MAMDC2: variants seen among roughly 807,000 people sequenced by gnomAD.
The protein encoded by MAMDC2 is MAM domain-containing protein 2.
MAMDC2 carries 57 observed loss-of-function variants against 89.8 expected under a neutral mutation model. The ratio of observed to expected loss-of-function variants is 0.63; its 90% confidence interval spans 0.51 to 0.79. The LOEUF (loss-of-function observed/expected upper bound fraction) is 0.79, where lower values mean the gene tolerates loss of function less well. MAMDC2 is among the 30% of genes least tolerant of loss of function. The probability of loss-of-function intolerance (pLI) is 0.00; values close to 1 mark genes in which losing one functional copy is unlikely to be tolerated. For missense variants in MAMDC2, 800 were observed against 820.6 expected (o/e 0.97, Z 0.31); for synonymous variants, 313 against 293.4 (o/e 1.07, Z -0.68).
At chr9:70,142,390 G>A (rs77263598) in intron 8 of MAMDC2, among the ~76,000 whole-genome samples, 208 of 152,270 alleles carry the variant, frequency 1.4e-3, no homozygotes, top group Non-Finnish European at 2.6e-3. Flanking sequence ...CAGGCCACAG[G>A]AAGCATTTGG....
chr9:70,094,377 T>C (rs1469590326), intron 2 of MAMDC2, among the ~76,000 whole-genome samples: 2 of 152,212 alleles, frequency 1.3e-5, no homozygotes, highest in Admixed American at 1.3e-4. Flanking sequence ...ATTTTCTAAA[T>C]GCTTCCCACA....
chr9:70,134,517 G>T (rs1192122057), intron 7 of MAMDC2, among the ~76,000 whole-genome samples: 2 of 151,966 alleles, frequency 1.3e-5, no homozygotes, highest in Non-Finnish European at 2.9e-5. Context: ...CTACTGCTCT[G>T]CCATATGCAG....
At chr9:70,184,347 T>C (rs990920826) in intron 11 of MAMDC2, among the ~76,000 whole-genome samples, 2 of 152,138 alleles carry the variant, frequency 1.3e-5, no homozygotes, top group African/African-American at 2.4e-5. Flanking sequence ...GAGAATCTGA[T>C]GATTATGTGT....
At chr9:70,078,597 A>G (rs1254724446) in intron 2 of MAMDC2, among the ~76,000 whole-genome samples, 1 of 152,206 alleles carries the variant, frequency 6.6e-6, no homozygotes, top group Non-Finnish European at 1.5e-5. Flanking sequence ...TTGTTAAGGT[A>G]TAGGGTGTGG....
At chr9:70,186,648 A>G (rs911384245) in intron 11 of MAMDC2, among the ~76,000 whole-genome samples, 3 of 152,182 alleles carry the variant, frequency 2.0e-5, no homozygotes, top group African/African-American at 7.2e-5. Flanking sequence ...TCCACTTTGC[A>G]TTGTTATAAA....
chr9:70,083,055 C>T (rs1005672019), intron 2 of MAMDC2, among the ~76,000 whole-genome samples: 1 of 152,166 alleles, frequency 6.6e-6, no homozygotes, highest in Non-Finnish European at 1.5e-5. Flanking sequence ...CGCCTAGCAT[C>T]TCCTGCTAAA....
At chr9:70,208,950 C>T (rs942023184) in intron 11 of MAMDC2, among the ~76,000 whole-genome samples, 5 of 152,222 alleles carry the variant, frequency 3.3e-5, no homozygotes, top group East Asian at 3.9e-4. Flanking sequence ...TTTGTGTATG[C>T]TGAACCAGCC....
chr9:70,126,015 C>A lies in MAMDC2; in HGVS notation c.644-144C>A, dbSNP rs1261380563. On this transcript the variant is annotated intron_variant, in intron 5 of 13. Coordinates refer to ENST00000377182, the MANE Select transcript of MAMDC2 (RefSeq NM_153267.5). ...ATTTCTCCATCCACTCATGGCCAAA[C>A]CTCTGTCAGCTGTAACTCATCCACT... is the stretch of plus-strand genomic sequence containing the variant. 6 of 872,178 alleles carry A rather than the reference C, an allele frequency of 6.9e-6. No individual in the cohort carries two copies. In the African/African-American group the frequency reaches 8.4e-5, roughly 12 times the overall value. The allele number at this position is 872,178 out of a possible 1,614,324, so 54.0% of individuals were successfully genotyped here. A position where few individuals can be genotyped will look rare whatever the true frequency, so the allele number is the denominator to read the frequency against.
intron 2 of MAMDC2, among the ~76,000 whole-genome samples, chr9:70,073,627 C>T (rs1827460652): frequency 6.6e-6 from 1 of 152,222 alleles, no homozygotes; most frequent in Admixed American, 6.5e-5. Context: ...ATGCTAGCAG[C>T]TTTCAAATAA....
intron 2 of MAMDC2, chr9:70,093,721 C>T (rs62570275): frequency 0.044 from 6,657 of 152,064 alleles, 204 homozygotes; most frequent in Non-Finnish European, 0.063. Context: ...CATAAGCCAC[C>T]GCACTCGGCC....
chr9:70,103,537 GA>G (rs988749314), intron 2 of MAMDC2, among the ~76,000 whole-genome samples: 4 of 149,916 alleles, frequency 2.7e-5, no homozygotes, highest in South Asian at 4.2e-4. Flanking sequence ...AAAACTCTGA[GA>G]AAAAAAACAT....
Position 70,149,019 on chromosome 9 carries a change from ACT to A in MAMDC2, c.1404+5203_1404+5204del, listed in dbSNP as rs2031498495. ...ACTCCAGCCTGGGCAACAGAGCAAGACTCTGTCTCAAAAAAAAAAAAAAAAAT... is the reference window on the plus strand; with the variant it reads ...ACTCCAGCCTGGGCAACAGAGCAAGACTGTCTCAAAAAAAAAAAAAAAAAT... On this transcript the variant is annotated intron_variant, in intron 9 of 13. Transcript: ENST00000377182. Among the ~76,000 whole-genome samples, 5 of 126,146 alleles carry A rather than the reference ACT, an allele frequency of 4.0e-5. 2 individuals carry two copies. The South Asian group carries it at 1.4e-3, about 34-fold the overall frequency. The allele number at this position is 126,146 out of a possible 152,430, so 82.8% of individuals were successfully genotyped here.
intron 11 of MAMDC2, among the ~76,000 whole-genome samples, chr9:70,209,198 A>C (rs2033297730): frequency 6.6e-6 from 1 of 152,232 alleles, no homozygotes; most frequent in Admixed American, 6.5e-5. Context: ...TAGTTTCAGA[A>C]GGAATTGTAC....
chr9:70,168,712 T>A lies in MAMDC2; in HGVS notation c.1415T>A (p.Met472Lys). The A allele has an allele frequency of 6.2e-7, 1 of 1,613,390 alleles. No individual in the cohort carries two copies. ...KKPMPTKVVF[M>K]SLCKSFWDCG... Reference sequence around the variant, plus strand: ...TTTTATGAATTTCAGGTGGTTTTCATGAGCCTATGCAAAAGTTTCTGGGAC... The same window carrying A: ...TTTTATGAATTTCAGGTGGTTTTCAAGAGCCTATGCAAAAGTTTCTGGGAC... Residue 472 changes from methionine to lysine, a missense_variant, in exon 10 of 14, where the codon ATG (methionine) becomes AAG (lysine). Met to Lys is a moderately conservative substitution (Grantham distance 95). Coordinates refer to ENST00000377182, the MANE Select transcript of MAMDC2 (RefSeq NM_153267.5).
At chr9:70,220,907 G>C (rs1163020886) in intron 12 of MAMDC2, among the ~76,000 whole-genome samples, 1 of 152,152 alleles carries the variant, frequency 6.6e-6, no homozygotes, top group Non-Finnish European at 1.5e-5. Flanking sequence ...TTATGTATGT[G>C]AAAGGGTTTT....
rs557134176 is a variant in MAMDC2, at chr9:70,117,261, T to C, written c.643+4129T>C. On this transcript the variant is annotated intron_variant, in intron 5 of 13. Coordinates refer to ENST00000377182, the MANE Select transcript of MAMDC2 (RefSeq NM_153267.5). ...AAAGTCATTCTGGATAGAGAAAATA[T>C]GGCACATATACACCATGGAATACTA... 1.3e-3 allele frequency among the ~76,000 whole-genome samples: 195 copies of C among 152,336 alleles called. 1 individual carries two copies. The highest frequency in any genetic ancestry group is 4.5e-3 in the African/African-American group (187 of 41,578).
intron 9 of MAMDC2, among the ~76,000 whole-genome samples, chr9:70,166,274 TATACACACAC>T (rs1285569690): frequency 8.5e-4 from 42 of 49,626 alleles, no homozygotes; most frequent in African/African-American, 2.1e-3. Context: ...TATATATATA[TATACACACAC>T]ACACACACAC....
chr9:70,181,737 A>G (rs1283517553), intron 11 of MAMDC2, among the ~76,000 whole-genome samples: 1 of 152,182 alleles, frequency 6.6e-6, no homozygotes, highest in African/African-American at 2.4e-5. Context: ...GTTGATTATC[A>G]GCTTAAGGAG....
intron 5 of MAMDC2, among the ~76,000 whole-genome samples, chr9:70,114,045 CAG>C (rs1015157802): frequency 1.3e-5 from 2 of 151,770 alleles, no homozygotes; most frequent in African/African-American, 4.8e-5. Flanking sequence ...TTTCTTCATT[CAG>C]TATTGCTTCT....
Sources: allele counts gnomAD v4.1 joint callset (sites outside exome capture counted in the v4.1 genomes callset), GRCh38; gene constraint gnomAD v4.1.1; transcripts MANE v1.5; gene names NCBI Gene and HGNC (gene_info 2026-07-23, HGNC 2026-07-21).